The following DTNBP1 variants were observed in gnomAD, a reference collection of about 807,000 sequenced individuals.
DTNBP1 encodes the protein dysbindin.
A neutral mutation model predicts 42.8 loss-of-function variants in DTNBP1; 35 were observed. The observed-to-expected ratio is 0.82, with a 90% CI of 0.63 to 1.09. The LOEUF (loss-of-function observed/expected upper bound fraction) is 1.09, where lower values mean the gene tolerates loss of function less well. Among genes scored for constraint, DTNBP1 ranks in the 50% least tolerant of loss-of-function variants. The pLI, the probability that DTNBP1 is intolerant of heterozygous loss-of-function variation, is 0.00. For missense variants in DTNBP1, 457 were observed against 424.2 expected (o/e 1.08, Z -0.68); for synonymous variants, 171 against 162.2 (o/e 1.05, Z -0.41).
chr6:15,562,762 T>A (rs1774902361), intron 7 of DTNBP1, among the ~76,000 whole-genome samples: 1 of 152,174 alleles, frequency 6.6e-6, no homozygotes, highest in Non-Finnish European at 1.5e-5. Context: ...CATGCAGTAT[T>A]AAAGGCAGGC....
At chr6:15,533,034 A>C (rs1283740832) in intron 8 of DTNBP1, among the ~76,000 whole-genome samples, 1 of 152,158 alleles carries the variant, frequency 6.6e-6, no homozygotes, top group Non-Finnish European at 1.5e-5. Flanking sequence ...AAAAAAATAT[A>C]TCTTCAACTA....
At chr6:15,549,928 C>A (rs558646755) in intron 7 of DTNBP1, among the ~76,000 whole-genome samples, 1 of 152,164 alleles carries the variant, frequency 6.6e-6, no homozygotes, top group East Asian at 1.9e-4. Context: ...TTGGGCAGGG[C>A]TCTTGCCCCT....
chr6:15,655,640 T>TAAAAAAAAAAAAAAAATAA (rs5874522), intron 1 of DTNBP1, among the ~76,000 whole-genome samples: 2 of 141,042 alleles, frequency 1.4e-5, no homozygotes, highest in Non-Finnish European at 1.5e-5. Flanking sequence ...AAAACGAAGT[T>TAAAAAAAAAAAAAAAATAA]AAAAAAAAAA....
At chr6:15,541,226 G>A (rs754506413) in intron 7 of DTNBP1, among the ~76,000 whole-genome samples, 1 of 152,160 alleles carries the variant, frequency 6.6e-6, no homozygotes, top group African/African-American at 2.4e-5. Flanking sequence ...CCTCAGCGAC[G>A]TGACTGAATG....
At chr6:15,569,659 T>G (rs892547999) in intron 7 of DTNBP1, among the ~76,000 whole-genome samples, 1 of 152,090 alleles carries the variant, frequency 6.6e-6, no homozygotes, top group Non-Finnish European at 1.5e-5. Flanking sequence ...TCTGCTAACT[T>G]CTCCAGTCTC....
At chr6:15,571,484 G>GT (rs966330876) in intron 7 of DTNBP1, among the ~76,000 whole-genome samples, 4 of 152,122 alleles carry the variant, frequency 2.6e-5, no homozygotes, top group Admixed American at 2.6e-4. Context: ...CCCTCTTTTA[G>GT]TTTTACTATA....
At chr6:15,626,955 C>T (rs1477585355) in intron 5 of DTNBP1, among the ~76,000 whole-genome samples, 15 of 152,192 alleles carry the variant, frequency 9.9e-5, no homozygotes, top group Admixed American at 9.8e-4. Context: ...CACTACAAGA[C>T]ATGAAGTTCT....
chr6:15,534,399 C>T (rs1179429522), intron 7 of DTNBP1, among the ~76,000 whole-genome samples: 1 of 152,108 alleles, frequency 6.6e-6, no homozygotes, highest in African/African-American at 2.4e-5. Context: ...CGCCTATAAT[C>T]CCAGCCCTTT....
intron 8 of DTNBP1, among the ~76,000 whole-genome samples, chr6:15,528,324 T>C (rs115148397): frequency 0.012 from 1,874 of 152,284 alleles, 36 homozygotes; most frequent in African/African-American, 0.042. Context: ...TCCTGGGTAG[T>C]GTGGGGTGTT....
rs142953088 is a variant in DTNBP1 at position 15,552,940 on chromosome 6, T to G, written c.512-19545A>C. ...AGTGAACAACGATTAATTAAAAAAATAAGAGTAAGAGGGTATAAGATTCAG... is the reference window on the plus strand; with the variant it reads ...AGTGAACAACGATTAATTAAAAAAAGAAGAGTAAGAGGGTATAAGATTCAG... On this transcript the variant is annotated intron_variant, in intron 7 of 9. Transcript: ENST00000344537. 2.4e-4 allele frequency among the ~76,000 whole-genome samples: 36 copies of G among 152,188 alleles called. 1 individual carries two copies. Among genetic ancestry groups the G allele is most frequent in the Middle Eastern group, 6.8e-3 (2 of 294 alleles).
At position 15,533,133 on chromosome 6, in the gene DTNBP1, C is replaced by T. The variant is rs933048754; in HGVS notation, c.667+107G>A. ...TGGTTGCTGGGGTCTCATAACAGAACGGAACTTCTGAGGATTCTGCCCCAT... is the reference window on the plus strand; with the variant it reads ...TGGTTGCTGGGGTCTCATAACAGAATGGAACTTCTGAGGATTCTGCCCCAT... On this transcript the variant is annotated intron_variant, in intron 8 of 9. Transcript: ENST00000344537. 33 of 1,546,718 alleles carry T rather than the reference C, an allele frequency of 2.1e-5. No individual in the cohort carries two copies. In the South Asian group the frequency reaches 2.4e-4, roughly 11 times the overall value.
In DTNBP1 at chr6:15,617,879, T is replaced by G. The variant is rs1261913989; in HGVS notation, c.356-2480A>C. Among the ~76,000 whole-genome samples the G allele has an allele frequency of 2.0e-5, 3 of 152,036 alleles. No individual in the cohort carries two copies. In the East Asian group the frequency reaches 5.8e-4, roughly 29 times the overall value. Reference sequence around the variant, plus strand: ...AAAAGCAAAAATAGACAAACTAGACTGTATCAAACTAAAAAGCTTCTGCCT... The same window carrying G: ...AAAAGCAAAAATAGACAAACTAGACGGTATCAAACTAAAAAGCTTCTGCCT... On this transcript the variant is annotated intron_variant, in intron 5 of 9. Coordinates refer to ENST00000344537, the MANE Select transcript of DTNBP1 (RefSeq NM_032122.5).
chr6:15,629,648 C>A (rs1375203682), intron 4 of DTNBP1, among the ~76,000 whole-genome samples: 1 of 152,060 alleles, frequency 6.6e-6, no homozygotes, highest in East Asian at 1.9e-4. Context: ...TTTCTAAATA[C>A]CAGACCCTGT....
intron 7 of DTNBP1, among the ~76,000 whole-genome samples, chr6:15,570,120 A>ATTGTC (rs1381617076): frequency 3.3e-5 from 5 of 152,074 alleles, no homozygotes; most frequent in Admixed American, 2.0e-4. Flanking sequence ...TGCCTGGCAT[A>ATTGTC]CAGTGGACAA....
At chr6:15,591,404 C>A (rs943201948) in intron 7 of DTNBP1, among the ~76,000 whole-genome samples, 1 of 152,098 alleles carries the variant, frequency 6.6e-6, no homozygotes, top group African/African-American at 2.4e-5. Context: ...AGCTACCATG[C>A]CCAGGCCACG....
Position 15,522,921 on chromosome 6 carries a change from C to A in DTNBP1, c.*54G>T. On this transcript the variant is annotated 3_prime_UTR_variant, in exon 10 of 10. Transcript: ENST00000344537. ...CAACCTGGCTTTCCAGGTGGAATTC[C>A]GCATACAGCCAAAACTGGATTCCAG... is the stretch of plus-strand genomic sequence containing the variant. 3.1e-6 allele frequency: 5 copies of A among 1,614,036 alleles called. No individual in the cohort carries two copies. The highest frequency in any genetic ancestry group is 1.7e-5 in the Admixed American group (1 of 60,022).
rs1446660618 is a variant in DTNBP1, at chr6:15,593,073, A to G, written c.497T>C (p.Leu166Pro). 1.3e-6 allele frequency: 2 copies of G among 1,582,694 alleles called. No homozygotes were observed. The highest frequency in any genetic ancestry group is 1.8e-5 in the Admixed American group (1 of 56,472). ...CACAAAATTACCTTTGAAGGTTTCA[A>G]GTTCCTTCCTGTAGGAAAAAAAAAA... is the stretch of plus-strand genomic sequence containing the variant. Reference protein sequence around the residue: ...ENYKKNKRKELETFKAELDAE... With the variant: ...ENYKKNKRKEPETFKAELDAE... The change falls in exon 7 of 10, where the codon CTT becomes CCT. Residue 166 changes from leucine to proline, a missense_variant. Transcript: ENST00000344537.
At chr6:15,551,859 C>T (rs184870112) in intron 7 of DTNBP1, among the ~76,000 whole-genome samples, 2 of 152,334 alleles carry the variant, frequency 1.3e-5, no homozygotes, top group Non-Finnish European at 1.5e-5. Context: ...CACAAGTACA[C>T]AGGAGTAGGC....
At chr6:15,596,882 A>C (rs1776536522) in intron 6 of DTNBP1, among the ~76,000 whole-genome samples, 1 of 152,140 alleles carries the variant, frequency 6.6e-6, no homozygotes, top group African/African-American at 2.4e-5. Flanking sequence ...CGGCTCCTCA[A>C]GTTTTGGCTC....
Sources: gnomAD v4.1 joint callset for allele counts (sites outside exome capture counted in the v4.1 genomes callset) on GRCh38, gnomAD v4.1.1 for gene constraint, MANE v1.5 for transcripts, NCBI Gene and HGNC (gene_info 2026-07-23, HGNC 2026-07-21) for gene names.